The following TENM3 variants were observed in gnomAD, a reference collection of about 807,000 sequenced individuals.
TENM3 encodes the protein teneurin transmembrane protein 3.
TENM3 carries 63 observed loss-of-function variants against 255.1 expected under a neutral mutation model. The ratio of observed to expected loss-of-function variants is 0.25; its 90% CI spans 0.20 to 0.30. TENM3 has a LOEUF of 0.30. Ranked by LOEUF, TENM3 falls within the 10% of genes least tolerant of loss-of-function variation. TENM3 has a pLI of 1.00. For missense variants in TENM3, 2,929 were observed against 3,461.1 expected (o/e 0.85, Z 3.86); for synonymous variants, 1,306 against 1,322.3 (o/e 0.99, Z 0.27).
At chr4:181,628,265 T>G in the TENM3 span, among the ~76,000 whole-genome samples, 1 of 152,206 alleles carries the variant, frequency 6.6e-6, no homozygotes, top group Non-Finnish European at 1.5e-5. Flanking sequence ...CGCAAATATT[T>G]TCTCCCATTC....
chr4:182,644,636 T>G (rs1310581362), intron 5 of TENM3, among the ~76,000 whole-genome samples: 4 of 152,212 alleles, frequency 2.6e-5, no homozygotes, highest in African/African-American at 9.7e-5. Context: ...TCATAAAATT[T>G]TACTGATAAA....
At chr4:181,594,107 A>G in the TENM3 span, among the ~76,000 whole-genome samples, 1 of 152,114 alleles carries the variant, frequency 6.6e-6, no homozygotes, top group Non-Finnish European at 1.5e-5. Flanking sequence ...GTGTAAGAAG[A>G]ACCATTTGAT....
At position 182,330,941 on chromosome 4, in the gene TENM3, G is replaced by A. The variant is rs552437498; in HGVS notation, c.232+6689G>A. The stretch of plus-strand genomic sequence containing the variant: ...TCCAAATTCTCATCTCATCTGAAGA[G>A]GGAGAGTGGGGAAACAGTTATGAAA... On this transcript the variant is annotated intron_variant, in intron 2 of 27. Transcript: ENST00000511685. Among the ~76,000 whole-genome samples, 23 of 152,322 alleles carry A rather than the reference G, an allele frequency of 1.5e-4. No homozygotes were observed. In the South Asian group the frequency reaches 4.8e-3, roughly 32 times the overall value.
At chr4:181,588,411 G>A in the TENM3 span, among the ~76,000 whole-genome samples, 3 of 152,294 alleles carry the variant, frequency 2.0e-5, no homozygotes, top group Admixed American at 6.5e-5. Context: ...TCTCTGGCTG[G>A]AGAAAAGATG....
At chr4:182,340,729 C>G (rs116126008) in intron 2 of TENM3, among the ~76,000 whole-genome samples, 3,254 of 152,246 alleles carry the variant, frequency 0.021, 53 homozygotes, top group Middle Eastern at 0.034. Context: ...AGAGAGAACT[C>G]TGGAAGACAT....
chr4:181,479,806 T>A, the TENM3 span, among the ~76,000 whole-genome samples: 20 of 152,192 alleles, frequency 1.3e-4, no homozygotes. Flanking sequence ...TCAGTTCAGT[T>A]CCTTCAGCTA....
intron 3 of TENM3, among the ~76,000 whole-genome samples, chr4:182,371,854 A>G (rs930587638): frequency 5.3e-5 from 8 of 152,208 alleles, no homozygotes; most frequent in African/African-American, 1.7e-4. Context: ...TATCTATTTG[A>G]AGTCCTGACT....
At chr4:182,323,688 T>C (rs1467498531) in intron 1 of TENM3, among the ~76,000 whole-genome samples, 1 of 152,214 alleles carries the variant, frequency 6.6e-6, no homozygotes, top group Non-Finnish European at 1.5e-5. Flanking sequence ...TACAATTTTT[T>C]TTTTGTATTA....
chr4:181,762,471 T>C, the TENM3 span, among the ~76,000 whole-genome samples: 1 of 152,188 alleles, frequency 6.6e-6, no homozygotes. Context: ...AAAAGGTCAC[T>C]GTAAGCCATG....
chr4:181,601,818 G>T, the TENM3 span, among the ~76,000 whole-genome samples: 21 of 152,194 alleles, frequency 1.4e-4, no homozygotes, highest in Middle Eastern at 3.4e-3. Flanking sequence ...AGGTACTGGG[G>T]GTTGGGCTTC....
At chr4:182,079,772 C>T in the TENM3 span, 49,317 of 152,208 alleles carry the variant, frequency 0.32, 8,426 homozygotes, top group Non-Finnish European at 0.38. Context: ...GCACGTGCTG[C>T]CCAGGTGGGA....
chr4:182,600,694 T>C (rs1203804438), intron 3 of TENM3, among the ~76,000 whole-genome samples: 1 of 152,046 alleles, frequency 6.6e-6, no homozygotes, highest in African/African-American at 2.4e-5. Flanking sequence ...TTTTGCCATC[T>C]GTTGTGTATT....
intron 22 of TENM3, among the ~76,000 whole-genome samples, chr4:182,765,191 G>C (rs1763594059): frequency 6.6e-6 from 1 of 152,158 alleles, no homozygotes; most frequent in Non-Finnish European, 1.5e-5. Flanking sequence ...GGACACGAGA[G>C]CTATTGAGAG....
At chr4:182,647,679 A>G (rs554163174) in intron 5 of TENM3, among the ~76,000 whole-genome samples, 27 of 152,296 alleles carry the variant, frequency 1.8e-4, no homozygotes, top group Non-Finnish European at 3.1e-4. Context: ...AGTGCTGGTA[A>G]GAACATGAGT....
At position 182,799,561 on chromosome 4, in the gene TENM3, C is replaced by T; in HGVS notation, c.7345-35C>T. 1 of 1,526,400 alleles carries T rather than the reference C, an allele frequency of 6.6e-7. No individual in the cohort carries two copies. The highest frequency in any genetic ancestry group is 8.7e-7 in the Non-Finnish European group (1 of 1,144,058). The allele number at this position is 1,526,400 out of a possible 1,614,324, so 94.6% of individuals were successfully genotyped here. ...TCAGGAGTGGGGAGGCTCCCGGCCG[C>T]CTCTGACGCGCCCCCTCTTTTGTTT... is the stretch of plus-strand genomic sequence containing the variant. On this transcript the variant is annotated intron_variant, in intron 27 of 27. Coordinates refer to ENST00000511685, the MANE Select transcript of TENM3 (RefSeq NM_001080477.4). This position sits in a 1 kb window ranked among gnomAD's most constrained non-coding sequence, Gnocchi z 4.2.
chr4:181,495,901 T>TAA, the TENM3 span, among the ~76,000 whole-genome samples: 11 of 42,468 alleles, frequency 2.6e-4, no homozygotes, highest in South Asian at 5.6e-3. Context: ...AAGAGACAAA[T>TAA]TAAAAAAAAA....
At chr4:182,463,558 C>T (rs1240074096) in intron 3 of TENM3, among the ~76,000 whole-genome samples, 2 of 151,942 alleles carry the variant, frequency 1.3e-5, no homozygotes, top group Non-Finnish European at 2.9e-5. Flanking sequence ...GCAAACTCCA[C>T]CTCCCGAGTT....
intron 3 of TENM3, among the ~76,000 whole-genome samples, chr4:182,387,317 C>T (rs1435662774): frequency 6.6e-6 from 1 of 152,102 alleles, no homozygotes; most frequent in Non-Finnish European, 1.5e-5. Context: ...CCTTGGAGAA[C>T]CTGTGTGTCC....
intron 3 of TENM3, chr4:182,349,748 T>A (rs1473332176): frequency 4.2e-6 from 1 of 238,630 alleles, no homozygotes; most frequent in Non-Finnish European, 8.4e-6. Context: ...TGTTTTTAAT[T>A]GCTCTAACTT....
Sources: gnomAD v4.1 joint callset for allele counts (sites outside exome capture counted in the v4.1 genomes callset) on GRCh38, gnomAD v4.1.1 for gene constraint, Gnocchi (gnomAD v3.1) non-coding constraint, MANE v1.5 for transcripts, NCBI Gene and HGNC (gene_info 2026-07-23, HGNC 2026-07-21) for gene names.